SGF29: variants seen among roughly 807,000 people sequenced by gnomAD.
SGF29 encodes SAGA-associated factor 29.
In SGF29, 15 loss-of-function variants were observed where a neutral mutation model predicts 38.1. The observed-to-expected ratio is 0.39, with a 90% confidence interval of 0.26 to 0.61. The LOEUF is 0.61. Among genes scored for constraint, SGF29 ranks in the 20% least tolerant of loss-of-function variants. The probability of loss-of-function intolerance (pLI) is 0.49; values close to 1 mark genes in which losing one functional copy is unlikely to be tolerated. For synonymous variants in SGF29, 151 were observed against 160.8 expected, an observed-to-expected ratio of 0.94 and a Z score of 0.46; for missense variants, 184 against 394.6, an observed-to-expected ratio of 0.47 and a Z score of 4.52.
intron 4 of SGF29, among the ~76,000 whole-genome samples, chr16:28,586,450 T>C (rs1478176906): frequency 6.8e-6 from 1 of 148,006 alleles, no homozygotes; most frequent in Non-Finnish European, 1.5e-5. Context: ...GAGGTTGCAG[T>C]GAGCTAAGAT....
intron 5 of SGF29, 101 bp from the exon 6 acceptor site, chr16:28,589,995 T>TGG: frequency 6.8e-7 from 1 of 1,469,036 alleles, no homozygotes; most frequent in South Asian, 1.4e-5. Flanking sequence ...ACTCGGGAAC[T>TGG]GGGGGCTCCC....
intron 1 of SGF29, among the ~76,000 whole-genome samples, chr16:28,568,828 G>A (rs1314891011): frequency 2.6e-5 from 4 of 152,032 alleles, no homozygotes; most frequent in Non-Finnish European, 4.4e-5. Context: ...CAGGAGAATC[G>A]CTTGAACCCG....
intron 1 of SGF29, among the ~76,000 whole-genome samples, chr16:28,568,837 C>A (rs562199354): frequency 6.7e-6 from 1 of 148,722 alleles, no homozygotes; most frequent in Non-Finnish European, 1.5e-5. Context: ...CGCTTGAACC[C>A]GGGAGGCAGA....
chr16:28,569,958 A>G (rs1469375103), intron 1 of SGF29, among the ~76,000 whole-genome samples: 1 of 152,198 alleles, frequency 6.6e-6, no homozygotes, highest in Non-Finnish European at 1.5e-5. Flanking sequence ...CACAAGCTGT[A>G]GGGGCATGGC....
At chr16:28,575,851 CAAAAAG>C (rs1035527964) in intron 1 of SGF29, among the ~76,000 whole-genome samples, 1 of 152,094 alleles carries the variant, frequency 6.6e-6, no homozygotes, top group Non-Finnish European at 1.5e-5. Context: ...TGGCTGTAAT[CAAAAAG>C]AGAGAGGCCA....
At chr16:28,561,057 T>C (rs1233144072) in intron 1 of SGF29, among the ~76,000 whole-genome samples, 2 of 151,666 alleles carry the variant, frequency 1.3e-5, no homozygotes, top group Non-Finnish European at 2.9e-5. Context: ...ATCAAAATAA[T>C]TAGTTAAAAT....
At chr16:28,562,150 G>A (rs995860345) in intron 1 of SGF29, among the ~76,000 whole-genome samples, 1 of 152,164 alleles carries the variant, frequency 6.6e-6, no homozygotes. Context: ...TTGCTTGTGC[G>A]ATTGGCTCTT....
rs2046971937 is a variant in SGF29 at position 28,589,110 on chromosome 16, A to G, written c.235A>G (p.Lys79Glu). The G allele has an allele frequency of 6.2e-7, 1 of 1,614,172 alleles. No individual in the cohort carries two copies. The highest frequency in any genetic ancestry group is 8.5e-7 in the Non-Finnish European group (1 of 1,179,978). ...TCTCCCCGCCCTCAGCATCCTTCGGAAAGCTCTGGACAAGATCGCGGAAAT... is the reference window on the plus strand; with the variant it reads ...TCTCCCCGCCCTCAGCATCCTTCGGGAAGCTCTGGACAAGATCGCGGAAAT... ...DAEAECNILR[K>E]ALDKIAEIKS... The change falls in exon 5 of 10, where the codon AAA (lysine) becomes GAA (glutamate). Residue 79 changes from lysine (K) to glutamate (E), a missense_variant. Lys to Glu is a moderately conservative substitution (Grantham distance 56). Transcript: ENST00000317058.
intron 1 of SGF29, among the ~76,000 whole-genome samples, chr16:28,570,993 A>G (rs978904579): frequency 1.3e-5 from 2 of 152,116 alleles, no homozygotes; most frequent in African/African-American, 2.4e-5. Flanking sequence ...TGCAAGTAAA[A>G]AGGACATGAC....
chr16:28,565,578 A>ACCT (rs1596598568), intron 1 of SGF29, among the ~76,000 whole-genome samples: 1 of 150,614 alleles, frequency 6.6e-6, no homozygotes, highest in African/African-American at 2.4e-5. Flanking sequence ...GCTCACTGTA[A>ACCT]CCTCCTCCTC....
intron 1 of SGF29, among the ~76,000 whole-genome samples, chr16:28,558,926 A>G (rs2046768908): frequency 6.6e-6 from 1 of 152,144 alleles, no homozygotes; most frequent in South Asian, 2.1e-4. Context: ...TAATGAGTAT[A>G]AGGTTTTAAG....
intron 1 of SGF29, among the ~76,000 whole-genome samples, chr16:28,580,128 G>A (rs993880957): frequency 1.3e-5 from 2 of 151,984 alleles, no homozygotes; most frequent in African/African-American, 4.8e-5. Flanking sequence ...GGGGCTAAGG[G>A]CATGCTATCT....
chr16:28,562,718 C>A (rs1251780916), intron 1 of SGF29, among the ~76,000 whole-genome samples: 2 of 151,754 alleles, frequency 1.3e-5, no homozygotes, highest in Non-Finnish European at 2.9e-5. Context: ...TCCTGGGCAA[C>A]AAGGCAAGAC....
rs760229378 is a variant in SGF29 at position 28,588,840 on chromosome 16, G to T, written c.225-260G>T. On this transcript the variant is annotated intron_variant, in intron 4 of 9. Transcript: ENST00000317058. The stretch of plus-strand genomic sequence containing the variant: ...CACTCCTCGGCCTCCCAAAGTGCTG[G>T]GATTACAGGCGTGAACCACCACACC... The T allele has an allele frequency of 4.9e-4, 195 of 402,024 alleles. 2 individuals are homozygous for T. The highest frequency in any genetic ancestry group is 8.5e-4 in the Non-Finnish European group (180 of 211,956). The allele number at this position is 402,024 out of a possible 1,614,324, so 24.9% of individuals were successfully genotyped here.
At chr16:28,561,878 A>C (rs1005174563) in intron 1 of SGF29, among the ~76,000 whole-genome samples, 2 of 152,206 alleles carry the variant, frequency 1.3e-5, no homozygotes, top group Admixed American at 6.6e-5. Flanking sequence ...GCTTTGCACC[A>C]GCAGGCTTGG....
At chr16:28,560,374 A>G (rs187161501) in intron 1 of SGF29, among the ~76,000 whole-genome samples, 72 of 150,782 alleles carry the variant, frequency 4.8e-4, no homozygotes, top group African/African-American at 1.7e-3. Context: ...GTGGATCACG[A>G]GGTCAGGAGT....
chr16:28,585,578 G>A (rs1396500769), intron 3 of SGF29, 70 bp from the exon 4 acceptor site: 5 of 1,320,528 alleles, frequency 3.8e-6, no homozygotes, highest in Non-Finnish European at 5.5e-6. Flanking sequence ...TGATTCCGGT[G>A]CATGGAAGCA....
At chr16:28,572,805 G>A (rs1175579357) in intron 1 of SGF29, among the ~76,000 whole-genome samples, 1 of 152,082 alleles carries the variant, frequency 6.6e-6, no homozygotes, top group Non-Finnish European at 1.5e-5. Flanking sequence ...GTATGATCCA[G>A]TGCTAGAGCC....
chr16:28,572,665 G>A (rs995582169), intron 1 of SGF29, among the ~76,000 whole-genome samples: 2 of 152,332 alleles, frequency 1.3e-5, no homozygotes, highest in Admixed American at 1.3e-4. Context: ...GGTCAGGCAA[G>A]CGCAGCCTTG....
Sources: gnomAD v4.1 joint callset for allele counts (sites outside exome capture counted in the v4.1 genomes callset) on GRCh38, gnomAD v4.1.1 for gene constraint, MANE v1.5 for transcripts, NCBI Gene and HGNC (gene_info 2026-07-23, HGNC 2026-07-21) for gene names.